Variants in NTF3 observed in about 807,000 individuals in gnomAD.
NTF3 encodes the protein neurotrophin 3.
A neutral mutation model predicts 26.3 loss-of-function variants in NTF3; 8 were observed. The ratio of observed to expected loss-of-function variants is 0.30; its 90% CI spans 0.18 to 0.55. The LOEUF is 0.55. Ranked by LOEUF, NTF3 falls within the 20% of genes least tolerant of loss-of-function variation. NTF3 has a pLI of 0.93. For synonymous variants in NTF3, 154 were observed against 145.5 expected, an observed-to-expected ratio of 1.06 and a Z score of -0.42; for missense variants, 276 against 352.9, an observed-to-expected ratio of 0.78 and a Z score of 1.75.
At chr12:5,463,312 C>T (rs1417128086) in intron 1 of NTF3, among the ~76,000 whole-genome samples, 3 of 152,164 alleles carry the variant, frequency 2.0e-5, no homozygotes, top group Admixed American at 6.5e-5. Context: ...TTCTGTCCAA[C>T]AGTATAAACA....
intron 1 of NTF3, among the ~76,000 whole-genome samples, chr12:5,478,552 G>A (rs973304779): frequency 8.5e-5 from 13 of 152,210 alleles, no homozygotes; most frequent in Non-Finnish European, 1.6e-4. Context: ...CCTGCGGCCC[G>A]ATAGGCCTCC....
chr12:5,432,062 T>A, upstream of NTF3: 1 of 425,146 alleles, frequency 2.4e-6, no homozygotes, highest in Non-Finnish European at 4.4e-6. Context: ...CGCGGAGCCA[T>A]CTGGCCGGGT....
In NTF3 at chr12:5,473,923, T is replaced by G. The variant is rs1002790388; in HGVS notation, c.19-20271T>G. 2.0e-5 allele frequency among the ~76,000 whole-genome samples: 3 copies of G among 152,176 alleles called. No individual in the cohort carries two copies. In the South Asian group the frequency reaches 6.2e-4, roughly 32 times the overall value. On this transcript the variant is annotated intron_variant, in intron 1 of 1. Coordinates refer to ENST00000423158, the MANE Select transcript of NTF3 (RefSeq NM_001102654.2). ...AGGACACCCAGAAACTCCTCCTACC[T>G]CTCTCAGCCTCACATGCGCATCTTC... is the stretch of plus-strand genomic sequence containing the variant.
At chr12:5,471,867 G>A (rs531266699) in intron 1 of NTF3, among the ~76,000 whole-genome samples, 1 of 151,912 alleles carries the variant, frequency 6.6e-6, no homozygotes, top group Non-Finnish European at 1.5e-5. Flanking sequence ...GTGATAAAAG[G>A]GCTTGCAGAG....
At chr12:5,468,972 T>C (rs904497440) in intron 1 of NTF3, among the ~76,000 whole-genome samples, 1 of 152,060 alleles carries the variant, frequency 6.6e-6, no homozygotes, top group African/African-American at 2.4e-5. Context: ...AATAGAAACA[T>C]TAGCCTGGCT....
chr12:5,443,257 G>A (rs994308127), intron 1 of NTF3, among the ~76,000 whole-genome samples: 1 of 152,182 alleles, frequency 6.6e-6, no homozygotes, highest in Non-Finnish European at 1.5e-5. Flanking sequence ...TTCTTGTCAT[G>A]TAAGGGCCCC....
intron 1 of NTF3, among the ~76,000 whole-genome samples, chr12:5,489,981 A>C (rs1051415726): frequency 6.6e-6 from 1 of 152,244 alleles, no homozygotes. Context: ...CATATGTGGG[A>C]AAGCGTTTCT....
At chr12:5,468,199 C>T (rs1940616709) in intron 1 of NTF3, among the ~76,000 whole-genome samples, 1 of 152,144 alleles carries the variant, frequency 6.6e-6, no homozygotes, top group Non-Finnish European at 1.5e-5. Flanking sequence ...TATATATACA[C>T]ACTTAAGTGC....
At chr12:5,438,157 C>CAAA (rs796739638) in intron 1 of NTF3, among the ~76,000 whole-genome samples, 1 of 101,638 alleles carries the variant, frequency 9.8e-6, no homozygotes. Context: ...TGAGGCTGGA[C>CAAA]AAAAAAAAAA....
intron 1 of NTF3, among the ~76,000 whole-genome samples, chr12:5,463,297 CT>C (rs879470630): frequency 3.3e-5 from 5 of 152,198 alleles, no homozygotes; most frequent in Non-Finnish European, 7.3e-5. Context: ...AATCAACTGT[CT>C]TTTTTCTGTC....
intron 1 of NTF3, among the ~76,000 whole-genome samples, chr12:5,447,261 C>A (rs532015878): frequency 6.6e-6 from 1 of 152,228 alleles, no homozygotes; most frequent in African/African-American, 2.4e-5. Flanking sequence ...GGACACTGGG[C>A]AATTTATTGT....
intron 1 of NTF3, 57 bp downstream of exon 1, chr12:5,432,399 G>C: frequency 1.3e-6 from 2 of 1,593,482 alleles, no homozygotes; most frequent in Non-Finnish European, 8.6e-7. Context: ...GGGTCCACGT[G>C]GGGAGGGATT....
chr12:5,441,108 TCTGCAGAGAGATCA>T (rs1261178574), intron 1 of NTF3, among the ~76,000 whole-genome samples: 1 of 152,142 alleles, frequency 6.6e-6, no homozygotes, highest in Non-Finnish European at 1.5e-5. Context: ...GATCCCAAAC[TCTGCAGAGAGATCA>T]GACCCCGCCT....
Position 5,495,189 on chromosome 12 carries a change from G to C in NTF3, c.*201G>C. The C allele has an allele frequency of 1.7e-6, 1 of 593,802 alleles. No homozygotes were observed. The highest frequency in any genetic ancestry group is 2.4e-5 in the South Asian group (1 of 42,244). The allele number at this position is 593,802 out of a possible 1,614,324, so 36.8% of individuals were successfully genotyped here. ...AGGCCTCTCCCATCTGTTAAAACTT[G>C]TTTTGTGATCCGGCTCTCAGGAGTC... On this transcript the variant is annotated 3_prime_UTR_variant, in exon 2 of 2. Transcript: ENST00000423158.
chr12:5,482,540 G>A (rs1336434156), intron 1 of NTF3, among the ~76,000 whole-genome samples: 1 of 152,192 alleles, frequency 6.6e-6, no homozygotes, highest in Non-Finnish European at 1.5e-5. Flanking sequence ...GTGAATGGAA[G>A]TGCACATGCC....
rs80204870 is a variant in NTF3, at chr12:5,435,739, A to G, written c.18+3397A>G. Among the ~76,000 whole-genome samples, 1,133 of 152,208 alleles carry G rather than the reference A, an allele frequency of 7.4e-3. 15 individuals are homozygous for G. The highest frequency in any genetic ancestry group is 0.026 in the African/African-American group (1,069 of 41,518). Reference sequence around the variant, plus strand: ...GAGAATGGTGAAGTCATGATCAAGGAAGAGATGGACTGGGAGTGTTTGTTC... The same window carrying G: ...GAGAATGGTGAAGTCATGATCAAGGGAGAGATGGACTGGGAGTGTTTGTTC... On this transcript the variant is annotated intron_variant, in intron 1 of 1. Coordinates refer to ENST00000423158, the MANE Select transcript of NTF3 (RefSeq NM_001102654.2).
At chr12:5,458,089 A>G (rs1425163765) in intron 1 of NTF3, among the ~76,000 whole-genome samples, 1 of 152,020 alleles carries the variant, frequency 6.6e-6, no homozygotes, top group African/African-American at 2.4e-5. Flanking sequence ...AACACTGTTC[A>G]CACTCTCCCC....
Position 5,494,834 on chromosome 12 carries a change from G to C in NTF3, c.659G>C (p.Gly220Ala), listed in dbSNP as rs1940988572. 1.9e-6 allele frequency: 3 copies of C among 1,614,104 alleles called. No individual in the cohort carries two copies. Among genetic ancestry groups the C allele is most frequent in the Non-Finnish European group, 2.5e-6 (3 of 1,180,030 alleles). Reference sequence around the variant, plus strand: ...AGGCCGGTCAAAAACGGTTGCAGGGGTATTGATGATAAACACTGGAACTCT... The same window carrying C: ...AGGCCGGTCAAAAACGGTTGCAGGGCTATTGATGATAAACACTGGAACTCT... Reference protein sequence around the residue: ...EARPVKNGCRGIDDKHWNSQC... With the variant: ...EARPVKNGCRAIDDKHWNSQC... Residue 220 changes from glycine (G) to alanine (A), a missense_variant, in exon 2 of 2, where the codon GGT becomes GCT. Physicochemically the swap from Gly to Ala is moderately conservative, Grantham distance 60. Around this residue, in one of 3 missense-constraint regions of NTF3, gnomAD observed 52 missense variants for 78.4 expected, o/e 0.66. Coordinates refer to ENST00000423158, the MANE Select transcript of NTF3 (RefSeq NM_001102654.2). The surrounding 1 kb of genome is among the most constrained non-coding windows in gnomAD (Gnocchi z 8.3).
At chr12:5,482,695 T>C (rs1940821580) in intron 1 of NTF3, among the ~76,000 whole-genome samples, 1 of 151,900 alleles carries the variant, frequency 6.6e-6, no homozygotes, top group South Asian at 2.1e-4. Flanking sequence ...CTTTCCACTG[T>C]GTCTCTCTCC....
Sources: gnomAD v4.1 joint callset for allele counts (sites outside exome capture counted in the v4.1 genomes callset) on GRCh38, gnomAD v4.1.1 for gene constraint, gnomAD v4.1.1 regional missense constraint, Gnocchi (gnomAD v3.1) non-coding constraint, MANE v1.5 for transcripts, NCBI Gene and HGNC (gene_info 2026-07-23, HGNC 2026-07-21) for gene names.